Variants in MYO7A observed in about 807,000 individuals in gnomAD.
MYO7A encodes unconventional myosin-VIIa.
Under a neutral mutation model 263.8 loss-of-function variants are expected in MYO7A, and 210 were observed. The ratio of observed to expected loss-of-function variants is 0.80; its 90% CI spans 0.71 to 0.89. The LOEUF (loss-of-function observed/expected upper bound fraction) is 0.89, where lower values mean the gene tolerates loss of function less well. MYO7A is among the 40% of genes least tolerant of loss of function. The pLI is 0.00. For missense variants in MYO7A, 2,820 were observed against 2,968.3 expected (o/e 0.95, Z 1.16); for synonymous variants, 1,239 against 1,197.3 (o/e 1.03, Z -0.72).
chr11:77,179,868 G>A lies in MYO7A; in HGVS notation c.2501G>A (p.Arg834His), dbSNP rs569858361. Residue 834 changes from arginine to histidine, a missense_variant, in exon 21 of 49, where the codon CGC becomes CAC. Arg to His is a conservative substitution (Grantham distance 29, BLOSUM62 0). Coordinates refer to ENST00000409709, the MANE Select transcript of MYO7A (RefSeq NM_000260.4). ...GCCTATCTGGTGCGCAAGGCCTTCC[G>A]CCACCGCCTCTGGGCTGTGCTCACC... The part of the protein sequence containing the change: ...CRAYLVRKAF[R>H]HRLWAVLTVQ... 7 of 1,541,196 alleles carry A rather than the reference G, an allele frequency of 4.5e-6. No homozygotes were observed. The South Asian group carries it at 7.1e-5, about 16-fold the overall frequency.
At chr11:77,134,496 G>A (rs1249595104) in intron 2 of MYO7A, among the ~76,000 whole-genome samples, 2 of 151,714 alleles carry the variant, frequency 1.3e-5, no homozygotes, top group Non-Finnish European at 2.9e-5. Context: ...TTACTGTGTT[G>A]CCCAAGCTGG....
Position 77,182,731 on chromosome 11 carries a change from G to A in MYO7A, c.3285+131G>A, listed in dbSNP as rs1813599497. 2.1e-5 allele frequency: 21 copies of A among 977,818 alleles called. No homozygotes were observed. In the South Asian group the frequency reaches 3.5e-4, roughly 16 times the overall value. 60.6% of individuals were successfully genotyped at this position (977,818 alleles called of 1,614,324 possible). A position where few individuals can be genotyped will look rare whatever the true frequency, so the allele number is the denominator to read the frequency against. ...ATCTCTGCCTCACCGACCCCTGCCT[G>A]CCACCCTCCTTTGTCTACTTGTGGG... On this transcript the variant is annotated intron_variant, in intron 25 of 48. Coordinates refer to ENST00000409709, the MANE Select transcript of MYO7A (RefSeq NM_000260.4).
chr11:77,202,270 G>A, intron 36 of MYO7A, 30 bp from the exon 37 acceptor site: 1 of 1,564,518 alleles, frequency 6.4e-7, no homozygotes, highest in East Asian at 2.3e-5. Context: ...GTAGAGAGCT[G>A]ACCTGAGCCC....
At chr11:77,177,161 G>A (rs2077198) in intron 18 of MYO7A, among the ~76,000 whole-genome samples, 85,565 of 152,038 alleles carry the variant, frequency 0.56, 24,376 homozygotes, top group Admixed American at 0.61. Flanking sequence ...GGAGGCTGCT[G>A]CCAAGGTTCG....
At chr11:77,170,475 C>T (rs1202803245) in intron 15 of MYO7A, among the ~76,000 whole-genome samples, 1 of 152,134 alleles carries the variant, frequency 6.6e-6, no homozygotes, top group Non-Finnish European at 1.5e-5. Context: ...CTACAAGGAC[C>T]TGTGCCTTCA....
rs1555069508 is a variant in MYO7A, at chr11:77,162,260, C to T, written c.1484C>T (p.Ala495Val). 3 of 1,556,800 alleles carry T rather than the reference C, an allele frequency of 1.9e-6. No individual in the cohort carries two copies. Among genetic ancestry groups the T allele is most frequent in the South Asian group, 1.2e-5 (1 of 84,302 alleles). ...LHIEFTDNQD[A>V]LDMIANKPMN... is the part of the protein sequence containing the mutation. ...ATCGAGTTCACTGACAACCAGGATG[C>T]CCTGGACATGATTGCCAACAAGCCC... Residue 495 changes from alanine (A) to valine (V), a missense_variant, in exon 13 of 49, where the codon GCC (alanine) becomes GTC (valine). Transcript: ENST00000409709.
chr11:77,175,020 T>G, intron 17 of MYO7A, 106 bp downstream of exon 17: 1 of 1,422,034 alleles, frequency 7.0e-7, no homozygotes. Flanking sequence ...GACATCTGCT[T>G]GACCTCTCAG....
At chr11:77,169,684 T>C (rs1288957480) in intron 15 of MYO7A, among the ~76,000 whole-genome samples, 1 of 152,206 alleles carries the variant, frequency 6.6e-6, no homozygotes, top group Non-Finnish European at 1.5e-5. Context: ...ACCTACTATA[T>C]GCCAGGCATT....
At chr11:77,146,880 C>T (rs1252472328) in intron 3 of MYO7A, among the ~76,000 whole-genome samples, 1 of 152,094 alleles carries the variant, frequency 6.6e-6, no homozygotes, top group Admixed American at 6.5e-5. Context: ...GGGAGGGCCC[C>T]AGGGCCCTGA....
intron 31 of MYO7A, among the ~76,000 whole-genome samples, chr11:77,192,932 TTTG>T (rs1956240096): frequency 5.8e-5 from 1 of 17,350 alleles, no homozygotes; most frequent in African/African-American, 3.1e-4. Context: ...GATGGTGTTG[TTTG>T]TGATGGTGGA....
intron 32 of MYO7A, among the ~76,000 whole-genome samples, chr11:77,197,167 C>T (rs993420411): frequency 6.6e-6 from 1 of 152,252 alleles, no homozygotes; most frequent in Non-Finnish European, 1.5e-5. Flanking sequence ...TTGGGCCTCC[C>T]ACATGCTCTG....
chr11:77,140,068 T>C (rs1951113650), intron 2 of MYO7A, among the ~76,000 whole-genome samples: 1 of 152,238 alleles, frequency 6.6e-6, no homozygotes, highest in Non-Finnish European at 1.5e-5. Context: ...GTCTGTTTGC[T>C]GTGTGGCCCC....
At chr11:77,161,511 AC>A (rs782182490) in intron 12 of MYO7A, among the ~76,000 whole-genome samples, 4 of 152,194 alleles carry the variant, frequency 2.6e-5, no homozygotes, top group Non-Finnish European at 5.9e-5. Context: ...CGTGTGAGGG[AC>A]TGATGGGTGG....
chr11:77,211,683 T>C (rs909192152), intron 45 of MYO7A, 138 bp from the exon 46 acceptor site: 11 of 666,792 alleles, frequency 1.6e-5, no homozygotes, highest in Non-Finnish European at 2.6e-5. Context: ...TCTGCTGTCC[T>C]AGTCCTGGCC....
At chr11:77,163,344 C>T (rs1040665944) in intron 14 of MYO7A, among the ~76,000 whole-genome samples, 7 of 152,124 alleles carry the variant, frequency 4.6e-5, no homozygotes, top group Non-Finnish European at 1.5e-5. Flanking sequence ...TAAGTGGAAT[C>T]ATATGCTATG....
chr11:77,194,011 G>C (rs1031729976), intron 31 of MYO7A: 5 of 515,082 alleles, frequency 9.7e-6, no homozygotes, highest in African/African-American at 5.7e-5. Flanking sequence ...CTGTTTGTCA[G>C]CTCTGGTCGC....
chr11:77,212,106 G>C, intron 46 of MYO7A, 169 bp downstream of exon 46: 2 of 705,184 alleles, frequency 2.8e-6, no homozygotes, highest in South Asian at 3.0e-5. Context: ...CTTAGCTGGG[G>C]TAAGTCCTGG....
rs1008613117 is a variant in MYO7A, at chr11:77,206,289, C to T, written c.5742+87C>T. On this transcript the variant is annotated intron_variant, in intron 41 of 48. Coordinates refer to ENST00000409709, the MANE Select transcript of MYO7A (RefSeq NM_000260.4). The stretch of plus-strand genomic sequence containing the variant: ...CACCAAAGGTGGCCTTAAGCCTCTC[C>T]CCCATCACCTGACATTTGCCGCCTC... 3.0e-5 allele frequency: 30 copies of T among 990,446 alleles called. No homozygotes were observed. The Admixed American group carries it at 7.6e-4, about 25-fold the overall frequency. 61.4% of individuals were successfully genotyped at this position (990,446 alleles called of 1,614,324 possible). A position where few individuals can be genotyped will look rare whatever the true frequency, so the allele number is the denominator to read the frequency against.
chr11:77,174,266 C>T (rs948764585), intron 16 of MYO7A, among the ~76,000 whole-genome samples: 4 of 152,112 alleles, frequency 2.6e-5, no homozygotes, highest in South Asian at 2.1e-4. Flanking sequence ...TCTGAATAAC[C>T]GCAGATCTAC....
Sources: gnomAD v4.1 joint callset for allele counts (sites outside exome capture counted in the v4.1 genomes callset) on GRCh38, gnomAD v4.1.1 for gene constraint, MANE v1.5 for transcripts, NCBI Gene and HGNC (gene_info 2026-07-23, HGNC 2026-07-21) for gene names.